AUTS2: variants seen among roughly 807,000 people sequenced by gnomAD.
The protein encoded by AUTS2 is activator of transcription and developmental regulator AUTS2, also known as autism susceptibility gene 2 protein.
In AUTS2, 17 loss-of-function variants were observed where a neutral mutation model predicts 112.4. The ratio of observed to expected loss-of-function variants is 0.15; its 90% CI spans 0.10 to 0.23. The LOEUF (loss-of-function observed/expected upper bound fraction) is 0.23, where lower values mean the gene tolerates loss of function less well. Among genes scored for constraint, AUTS2 ranks in the 10% least tolerant of loss-of-function variants. The probability of loss-of-function intolerance (pLI) is 1.00; values close to 1 mark genes in which losing one functional copy is unlikely to be tolerated. For synonymous variants in AUTS2, 751 were observed against 702.7 expected, an observed-to-expected ratio of 1.07 and a Z score of -1.09; for missense variants, 1,510 against 1,701.6, an observed-to-expected ratio of 0.89 and a Z score of 1.98.
At chr7:70,787,004 A>T in intron 17 of AUTS2, 1 of 544,674 alleles carries the variant, frequency 1.8e-6, no homozygotes, top group South Asian at 2.1e-5. Context: ...TTTTAAAAAG[A>T]AAAAAAAAAG....
Position 70,766,335 on chromosome 7 carries a change from G to A in AUTS2, c.1689+1G>A. The A allele has an allele frequency of 2.5e-6, 4 of 1,613,894 alleles. No homozygotes were observed. The highest frequency in any genetic ancestry group is 3.4e-6 in the Non-Finnish European group (4 of 1,179,954). On this transcript the variant is annotated splice_donor_variant, in intron 9 of 18. Transcript: ENST00000342771. LOFTEE classifies it high-confidence loss of function. This position sits in a 1 kb window ranked among gnomAD's most constrained non-coding sequence, Gnocchi z 4.8. ...CATGCCGACGCCAGCACCTCCCATGGTGCGTACCCCAGGCAGAAATGTGAG... is the reference window on the plus strand; with the variant it reads ...CATGCCGACGCCAGCACCTCCCATGATGCGTACCCCAGGCAGAAATGTGAG...
chr7:70,340,196 C>A (rs551078656), intron 4 of AUTS2, among the ~76,000 whole-genome samples: 404 of 97,832 alleles, frequency 4.1e-3, no homozygotes, highest in Admixed American at 7.1e-3. Context: ...ACACACACAC[C>A]CCGTAATAAG....
At chr7:70,497,313 A>T (rs1003207597) in intron 5 of AUTS2, among the ~76,000 whole-genome samples, 1 of 151,662 alleles carries the variant, frequency 6.6e-6, no homozygotes, top group African/African-American at 2.4e-5. Flanking sequence ...CGTCGATCAC[A>T]CACCCCACTC....
intron 1 of AUTS2, among the ~76,000 whole-genome samples, chr7:69,705,765 C>G (rs1444079969): frequency 6.6e-6 from 1 of 152,180 alleles, no homozygotes; most frequent in Non-Finnish European, 1.5e-5. Context: ...TCTCTCAGCT[C>G]TGGAGGCTAG....
chr7:69,929,249 G>T (rs948708757), intron 2 of AUTS2, among the ~76,000 whole-genome samples: 4 of 151,810 alleles, frequency 2.6e-5, no homozygotes, highest in Non-Finnish European at 4.4e-5. Flanking sequence ...TTAGTTTCTG[G>T]TAATGTAACT....
intron 1 of AUTS2, among the ~76,000 whole-genome samples, chr7:69,782,472 A>G (rs1345237974): frequency 1.3e-5 from 2 of 151,818 alleles, no homozygotes; most frequent in African/African-American, 4.8e-5. Context: ...CCAGTAGAAG[A>G]TGGATTTCAG....
chr7:69,687,317 A>G (rs1797104918), intron 1 of AUTS2, among the ~76,000 whole-genome samples: 1 of 152,208 alleles, frequency 6.6e-6, no homozygotes, highest in Non-Finnish European at 1.5e-5. Context: ...AGTGATAATA[A>G]ATCATTCTTC....
At chr7:70,544,472 C>T (rs1180377518) in intron 5 of AUTS2, among the ~76,000 whole-genome samples, 1 of 152,072 alleles carries the variant, frequency 6.6e-6, no homozygotes, top group Non-Finnish European at 1.5e-5. Context: ...GTACAGAGCT[C>T]TTCCTGGTGA....
chr7:70,032,466 A>T (rs138564868), intron 2 of AUTS2, among the ~76,000 whole-genome samples: 131 of 152,296 alleles, frequency 8.6e-4, no homozygotes, highest in African/African-American at 3.0e-3. Context: ...TCCAATAGAG[A>T]CATTTAATTT....
At chr7:70,351,592 C>T (rs1481120871) in intron 4 of AUTS2, among the ~76,000 whole-genome samples, 2 of 152,186 alleles carry the variant, frequency 1.3e-5, no homozygotes, top group Non-Finnish European at 2.9e-5. Flanking sequence ...GTGGGGTCTT[C>T]ATACTGGTTT....
At chr7:69,645,967 A>ATT (rs751243685) in intron 1 of AUTS2, among the ~76,000 whole-genome samples, 7 of 134,236 alleles carry the variant, frequency 5.2e-5, no homozygotes, top group Non-Finnish European at 4.9e-5. Flanking sequence ...AACGGTCTGG[A>ATT]TTTTTTTTTT....
At chr7:69,672,599 A>G (rs1796385724) in intron 1 of AUTS2, among the ~76,000 whole-genome samples, 2 of 152,204 alleles carry the variant, frequency 1.3e-5, no homozygotes, top group South Asian at 4.1e-4. Flanking sequence ...CAATTTTTAG[A>G]ACATGTCGAG....
intron 5 of AUTS2, among the ~76,000 whole-genome samples, chr7:70,584,999 T>G (rs1298634533): frequency 1.3e-5 from 2 of 152,192 alleles, no homozygotes; most frequent in Admixed American, 1.3e-4. Context: ...AAACCAAAAT[T>G]ATTAACTCCT....
intron 5 of AUTS2, among the ~76,000 whole-genome samples, chr7:70,612,967 G>A (rs190101118): frequency 5.9e-5 from 9 of 152,190 alleles, no homozygotes; most frequent in Admixed American, 2.0e-4. Context: ...TTATGTGGAG[G>A]TCTGAGCTAG....
At chr7:69,651,380 C>T (rs1795280326) in intron 1 of AUTS2, among the ~76,000 whole-genome samples, 1 of 152,170 alleles carries the variant, frequency 6.6e-6, no homozygotes. Flanking sequence ...ATGTTTCTTG[C>T]ACCAGGAAGG....
chr7:69,997,111 C>T (rs1798982490), intron 2 of AUTS2, among the ~76,000 whole-genome samples: 2 of 152,146 alleles, frequency 1.3e-5, no homozygotes, highest in African/African-American at 4.8e-5. Flanking sequence ...TTCTTAAGGT[C>T]TGAAACTATA....
rs551113558 is a variant in AUTS2 at position 70,342,366 on chromosome 7, G to A, written c.661-93386G>A. On this transcript the variant is annotated intron_variant, in intron 4 of 18. Coordinates refer to ENST00000342771, the MANE Select transcript of AUTS2 (RefSeq NM_015570.4). ...GGGGGAAGTCGCTTGCCAGAAGATC[G>A]ATGAGAAAATGCTGAGTATGTGTGT... Among the ~76,000 whole-genome samples the A allele has an allele frequency of 1.2e-3, 180 of 150,798 alleles. 1 individual carries two copies. In the Middle Eastern group the frequency reaches 0.014, roughly 11 times the overall value.
intron 4 of AUTS2, among the ~76,000 whole-genome samples, chr7:70,342,766 C>T (rs1006364172): frequency 2.6e-5 from 4 of 152,152 alleles, no homozygotes; most frequent in Admixed American, 6.5e-5. Flanking sequence ...CACTGCCCTC[C>T]GCAGCCTCTT....
intron 2 of AUTS2, among the ~76,000 whole-genome samples, chr7:69,965,042 G>A (rs1797582903): frequency 6.6e-6 from 1 of 151,858 alleles, no homozygotes; most frequent in Non-Finnish European, 1.5e-5. Context: ...GCCCTCATGA[G>A]CCTGTGTTCC....
Sources: allele counts gnomAD v4.1 joint callset (sites outside exome capture counted in the v4.1 genomes callset), GRCh38; gene constraint gnomAD v4.1.1; non-coding constraint Gnocchi (gnomAD v3.1); transcripts MANE v1.5; gene names NCBI Gene and HGNC (gene_info 2026-07-23, HGNC 2026-07-21).